Variants in FGF19 observed in about 807,000 individuals in gnomAD.
FGF19 encodes fibroblast growth factor 19, also known as FGF-19.
Under a neutral mutation model 8.9 loss-of-function variants are expected in FGF19, and 5 were observed. That is an observed-to-expected ratio of 0.56 (90% CI 0.29 to 1.18). The LOEUF (loss-of-function observed/expected upper bound fraction) is 1.18. FGF19 is among the 50% of genes most tolerant of loss of function. FGF19 has a pLI of 0.08. For synonymous variants in FGF19, 124 were observed against 128.0 expected (o/e 0.97, Z 0.21); for missense variants, 237 against 293.9 (o/e 0.81, Z 1.42).
rs1347482254 is a variant in FGF19 at position 69,699,036 on chromosome 11, G to C, written c.*226C>G. 1.9e-6 allele frequency: 1 copy of C among 531,348 alleles called. No individual in the cohort carries two copies. Among genetic ancestry groups the C allele is most frequent in the East Asian group, 3.1e-5 (1 of 32,284 alleles). 32.9% of individuals were successfully genotyped at this position (531,348 alleles called of 1,614,324 possible). ...CTCGAGGGAGCAGAATGGGGGCCCA[G>C]GCAGCAGCTGGGCAAGCTACAGGCT... On this transcript the variant is annotated 3_prime_UTR_variant, in exon 3 of 3. Transcript: ENST00000294312.
Position 69,698,892 on chromosome 11 carries a change from T to G in FGF19, c.*370A>C. ...TGTCTTCTGGCTGCTCCTGGGGAAGTGATGAGAAAAAATTAGAGAATTTCA... is the reference window on the plus strand; with the variant it reads ...TGTCTTCTGGCTGCTCCTGGGGAAGGGATGAGAAAAAATTAGAGAATTTCA... On this transcript the variant is annotated 3_prime_UTR_variant, in exon 3 of 3. Transcript: ENST00000294312. The G allele has an allele frequency of 4.0e-6, 1 of 252,970 alleles. No individual in the cohort carries two copies. Among genetic ancestry groups the G allele is most frequent in the Non-Finnish European group, 7.7e-6 (1 of 129,820 alleles). The allele number at this position is 252,970 out of a possible 1,614,324, so 15.7% of individuals were successfully genotyped here.
chr11:69,704,001 G>C lies in FGF19; in HGVS notation c.-125C>G, dbSNP rs369012502. The C allele has an allele frequency of 1.3e-4, 68 of 536,378 alleles. No individual in the cohort carries two copies. The highest frequency in any genetic ancestry group is 8.0e-4 in the East Asian group (23 of 28,600). 33.2% of individuals were successfully genotyped at this position (536,378 alleles called of 1,614,324 possible). ...ATGGTCGTGGCCCTAGATCCTGGACGCAGCGCTCCTGCTCTGACGGCGCGG... is the reference window on the plus strand; with the variant it reads ...ATGGTCGTGGCCCTAGATCCTGGACCCAGCGCTCCTGCTCTGACGGCGCGG... On this transcript the variant is annotated 5_prime_UTR_variant, in exon 1 of 3. Transcript: ENST00000294312.
exon 1 of FGF19, chr11:69,703,999 ACGCAGCGCTCCTGCTCTGACGGCGCGG>A (rs1372338347): frequency 7.3e-6 from 4 of 548,436 alleles, no homozygotes; most frequent in Admixed American, 8.7e-5. The surrounding 1 kb of genome is among the most constrained non-coding windows in gnomAD (Gnocchi z 6.8). Flanking sequence ...TAGATCCTGG[ACGCAGCGCTCCTGCTCTGACGGCGCGG>A]CGGCTCCGGG....
intron 2 of FGF19, among the ~76,000 whole-genome samples, chr11:69,701,462 C>T (rs1023154890): frequency 2.6e-5 from 4 of 151,812 alleles, no homozygotes; most frequent in Admixed American, 2.6e-4. Flanking sequence ...ACTAGCCGGT[C>T]ATGGTGGCAC....
At position 69,699,535 on chromosome 11, in the gene FGF19, G is replaced by A. The variant is rs1201755185; in HGVS notation, c.378C>T (p.Ile126=). ...GGTACACATTGTAGCCATCTGGGCG[G>A]ATCTCCTCCTCGAAAGCACAGTCTT... The part of the protein sequence containing the change: ...SEEDCAFEEE[I]RPDGYNVYRS... The change falls in exon 3 of 3, where the codon ATC becomes ATT. Residue 126 remains isoleucine, a synonymous_variant. Coordinates refer to ENST00000294312, the MANE Select transcript of FGF19 (RefSeq NM_005117.3). 6.2e-7 allele frequency: 1 copy of A among 1,613,980 alleles called. No homozygotes were observed. Among genetic ancestry groups the A allele is most frequent in the Non-Finnish European group, 8.5e-7 (1 of 1,179,922 alleles).
At position 69,703,452 on chromosome 11, in the gene FGF19, C is replaced by G; in HGVS notation, c.233-88G>C. 1.9e-6 allele frequency: 2 copies of G among 1,078,938 alleles called. No individual in the cohort carries two copies. Among genetic ancestry groups the G allele is most frequent in the Non-Finnish European group, 2.7e-6 (2 of 743,028 alleles). The allele number at this position is 1,078,938 out of a possible 1,614,324, so 66.8% of individuals were successfully genotyped here. ...GTCGGTCCACAAGCCTGTGCTTCTC[C>G]CTAGCGTCCCGCGCTGTTTGGGGAC... On this transcript the variant is annotated intron_variant, in intron 1 of 2. Transcript: ENST00000294312. This position sits in a 1 kb window ranked among gnomAD's most constrained non-coding sequence, Gnocchi z 6.8.
chr11:69,703,948 G>A lies in FGF19; in HGVS notation c.-72C>T. On this transcript the variant is annotated 5_prime_UTR_variant, in exon 1 of 3. Coordinates refer to ENST00000294312, the MANE Select transcript of FGF19 (RefSeq NM_005117.3). This position sits in a 1 kb window ranked among gnomAD's most constrained non-coding sequence, Gnocchi z 6.8. ...GGAGGCTGGGCGGCGACCGGGATGC[G>A]CTGCGGGGCTGTGAGTGCCGGGTTG... is the stretch of plus-strand genomic sequence containing the variant. 3.3e-6 allele frequency: 3 copies of A among 920,124 alleles called. No homozygotes were observed. The highest frequency in any genetic ancestry group is 4.3e-6 in the Non-Finnish European group (3 of 699,776). The allele number at this position is 920,124 out of a possible 1,614,324, so 57.0% of individuals were successfully genotyped here.
At chr11:69,701,648 G>C (rs935879686) in intron 2 of FGF19, among the ~76,000 whole-genome samples, 2 of 142,328 alleles carry the variant, frequency 1.4e-5, no homozygotes, top group East Asian at 2.2e-4. Context: ...ATTTCTGTTA[G>C]ACCATGCACA....
At position 69,703,635 on chromosome 11, in the gene FGF19, G is replaced by C; in HGVS notation, c.232+10C>G. The C allele has an allele frequency of 8.3e-7, 1 of 1,211,834 alleles. No homozygotes were observed. Among genetic ancestry groups the C allele is most frequent in the Non-Finnish European group, 1.0e-6 (1 of 969,756 alleles). The allele number at this position is 1,211,834 out of a possible 1,614,324, so 75.1% of individuals were successfully genotyped here. ...CGGCGGGGCGGGCGGGGGTGCTGGC[G>C]GGCACTCACTGTGCGCGCTCTGGCC... is the stretch of plus-strand genomic sequence containing the variant. On this transcript the variant is annotated intron_variant, in intron 1 of 2. Coordinates refer to ENST00000294312, the MANE Select transcript of FGF19 (RefSeq NM_005117.3). This position sits in a 1 kb window ranked among gnomAD's most constrained non-coding sequence, Gnocchi z 6.8.
At position 69,703,373 on chromosome 11, in the gene FGF19, A is replaced by C; in HGVS notation, c.233-9T>G. 2 of 1,595,148 alleles carry C rather than the reference A, an allele frequency of 1.3e-6. No individual in the cohort carries two copies. The highest frequency in any genetic ancestry group is 1.7e-6 in the Non-Finnish European group (2 of 1,170,588). ...CTTGATCTCCAGCAAACCTAGGCGC[A>C]GGGGAAGCGAGAAGCTGCAGCAAGG... is the stretch of plus-strand genomic sequence containing the variant. On this transcript the variant is annotated splice_polypyrimidine_tract_variant and intron_variant, in intron 1 of 2. Transcript: ENST00000294312. This position sits in a 1 kb window ranked among gnomAD's most constrained non-coding sequence, Gnocchi z 6.8.
Position 69,702,581 on chromosome 11 carries a change from G to A in FGF19, c.336+680C>T, listed in dbSNP as rs1487754036. Among the ~76,000 whole-genome samples the A allele has an allele frequency of 6.6e-6, 1 of 152,100 alleles. No homozygotes were observed. The highest frequency in any genetic ancestry group is 1.5e-5 in the Non-Finnish European group (1 of 68,020). On this transcript the variant is annotated intron_variant, in intron 2 of 2. Transcript: ENST00000294312. The surrounding 1 kb of genome is among the most constrained non-coding windows in gnomAD (Gnocchi z 4.6). Reference sequence around the variant, plus strand: ...ACACTTCCGGCCCCGGGACCTCTGCGGTTACCTGGGCCTTCCCTGCCAGCC... The same window carrying A: ...ACACTTCCGGCCCCGGGACCTCTGCAGTTACCTGGGCCTTCCCTGCCAGCC...
At chr11:69,701,319 A>G (rs370910433) in intron 2 of FGF19, among the ~76,000 whole-genome samples, 245 of 152,316 alleles carry the variant, frequency 1.6e-3, no homozygotes, top group African/African-American at 5.6e-3. Context: ...TTTAAGAAAG[A>G]GGCCAGGCGA....
At chr11:69,700,663 G>C (rs1313497412) in intron 2 of FGF19, among the ~76,000 whole-genome samples, 2 of 152,202 alleles carry the variant, frequency 1.3e-5, no homozygotes, top group Non-Finnish European at 2.9e-5. Context: ...AGGCCTTCTG[G>C]TCTGCAGCAG....
Position 69,698,456 on chromosome 11 carries a change from C to A in FGF19, c.*806G>T, listed in dbSNP as rs776387709. 1 of 187,434 alleles carries A rather than the reference C, an allele frequency of 5.3e-6. No homozygotes were observed. The highest frequency in any genetic ancestry group is 2.3e-5 in the African/African-American group (1 of 42,750). 11.6% of individuals were successfully genotyped at this position (187,434 alleles called of 1,614,324 possible). ...TTGACAAGACTTGGGGTCTTCAAAT[C>A]TTTTCTTTTCCTGATTTTTGAACAA... On this transcript the variant is annotated 3_prime_UTR_variant, in exon 3 of 3. Transcript: ENST00000294312.
intron 2 of FGF19, among the ~76,000 whole-genome samples, 191 bp from the exon 3 acceptor site, chr11:69,699,767 A>C (rs1456051793): frequency 6.6e-6 from 1 of 152,090 alleles, no homozygotes; most frequent in Non-Finnish European, 1.5e-5. Flanking sequence ...ATATACCTTT[A>C]TATATGTAAG....
intron 2 of FGF19, among the ~76,000 whole-genome samples, chr11:69,701,668 G>C (rs1406890785): frequency 6.9e-6 from 1 of 144,070 alleles, no homozygotes; most frequent in Non-Finnish European, 1.5e-5. Flanking sequence ...AGGGGATCAA[G>C]AGGCACAAAG....
chr11:69,701,364 G>A (rs537368379), intron 2 of FGF19, among the ~76,000 whole-genome samples: 2 of 152,218 alleles, frequency 1.3e-5, no homozygotes, highest in African/African-American at 2.4e-5. Context: ...CACTTTGGGC[G>A]GCTGAGGCAG....
intron 2 of FGF19, among the ~76,000 whole-genome samples, 166 bp from the exon 3 acceptor site, chr11:69,699,742 G>C (rs1311542544): frequency 6.6e-6 from 1 of 152,068 alleles, no homozygotes; most frequent in Admixed American, 6.6e-5. Flanking sequence ...CACTGTACGT[G>C]TAAGTATATA....
Position 69,699,163 on chromosome 11 carries a change from C to T in FGF19, c.*99G>A, listed in dbSNP as rs1326360248. 4 of 831,170 alleles carry T rather than the reference C, an allele frequency of 4.8e-6. No individual in the cohort carries two copies. In the African/African-American group the frequency reaches 5.2e-5, roughly 11 times the overall value. The allele number at this position is 831,170 out of a possible 1,614,324, so 51.5% of individuals were successfully genotyped here. A position where few individuals can be genotyped will look rare whatever the true frequency, so the allele number is the denominator to read the frequency against. On this transcript the variant is annotated 3_prime_UTR_variant, in exon 3 of 3. Transcript: ENST00000294312. ...CTAGATGTTTCTTCCTAAAGCTAAA[C>T]AGAACGTGGACTCAGGACTGTTCTT... is the stretch of plus-strand genomic sequence containing the variant.
Sources: gnomAD v4.1 joint callset for allele counts (sites outside exome capture counted in the v4.1 genomes callset) on GRCh38, gnomAD v4.1.1 for gene constraint, Gnocchi (gnomAD v3.1) non-coding constraint, MANE v1.5 for transcripts, NCBI Gene and HGNC (gene_info 2026-07-23, HGNC 2026-07-21) for gene names.